YWHAG: variants seen among roughly 807,000 people sequenced by gnomAD.
The protein encoded by YWHAG is 14-3-3 protein gamma.
Under a neutral mutation model 23.3 loss-of-function variants are expected in YWHAG, and 1 was observed. That is an observed-to-expected ratio of 0.04 (90% CI 0.02 to 0.20). The LOEUF is 0.20. Ranked by LOEUF, YWHAG falls within the 10% of genes least tolerant of loss-of-function variation. The probability of loss-of-function intolerance (pLI) is 1.00; values close to 1 mark genes in which losing one functional copy is unlikely to be tolerated. For synonymous variants in YWHAG, 160 were observed against 144.0 expected (o/e 1.11, Z -0.80); for missense variants, 151 against 338.6 (o/e 0.45, Z 4.35).
At chr7:76,337,444 G>A (rs1033410501) in intron 1 of YWHAG, among the ~76,000 whole-genome samples, 6 of 152,122 alleles carry the variant, frequency 3.9e-5, no homozygotes, top group African/African-American at 1.2e-4. Flanking sequence ...ATAATGATGC[G>A]TATCCCGTGT....
intron 1 of YWHAG, among the ~76,000 whole-genome samples, chr7:76,340,746 G>T (rs1044183149): frequency 6.6e-6 from 1 of 152,170 alleles, no homozygotes; most frequent in Non-Finnish European, 1.5e-5. Context: ...TGCCAGTTCA[G>T]ATGGGAACCA....
intron 1 of YWHAG, among the ~76,000 whole-genome samples, chr7:76,353,418 G>T (rs2115653299): frequency 6.6e-6 from 1 of 152,056 alleles, no homozygotes; most frequent in South Asian, 2.1e-4. Context: ...TCACCATGTT[G>T]GTCAGGCTGG....
intron 1 of YWHAG, among the ~76,000 whole-genome samples, chr7:76,349,444 G>GACAC (rs34840797): frequency 2.8e-4 from 40 of 143,244 alleles, no homozygotes; most frequent in Middle Eastern, 3.6e-3. Context: ...CACACACACA[G>GACAC]ACACACACAC....
intron 1 of YWHAG, among the ~76,000 whole-genome samples, chr7:76,356,249 C>T (rs1403705513): frequency 6.6e-6 from 1 of 152,172 alleles, no homozygotes; most frequent in African/African-American, 2.4e-5. Context: ...TTTTGGAACA[C>T]CTACTACATT....
rs71085403 is a variant in YWHAG, at chr7:76,327,668, G to GCCCCCCC, written c.*1902_*1908dup. The GCCCCCCC allele has an allele frequency of 1.5e-4, 7 of 47,112 alleles. No individual in the cohort carries two copies. The highest frequency in any genetic ancestry group is 2.5e-4 in the African/African-American group (2 of 7,896). 2.9% of individuals were successfully genotyped at this position (47,112 alleles called of 1,614,324 possible). A position where few individuals can be genotyped will look rare whatever the true frequency, so the allele number is the denominator to read the frequency against. On this transcript the variant is annotated 3_prime_UTR_variant, in exon 2 of 2. Coordinates refer to ENST00000307630, the MANE Select transcript of YWHAG (RefSeq NM_012479.4). The stretch of plus-strand genomic sequence containing the variant: ...AATTAGGGAAAGCCCCACCTACCCT[G>GCCCCCCC]CCCCCCCCCCCCTCCCCCCCCAAAT...
chr7:76,350,452 A>G (rs1015769079), intron 1 of YWHAG, among the ~76,000 whole-genome samples: 2 of 152,092 alleles, frequency 1.3e-5, no homozygotes, highest in Non-Finnish European at 2.9e-5. Flanking sequence ...GATACCAGAT[A>G]CTCCTCCATG....
rs550266024 is a variant in YWHAG at position 76,337,659 on chromosome 7, C to T, written c.88-7426G>A. ...AAGTGATTCTCCTGCCTCAGCCTCC[C>T]GAGTAGCTGGGTCTACAGGCGCCCA... On this transcript the variant is annotated intron_variant, in intron 1 of 1. Transcript: ENST00000307630. Among the ~76,000 whole-genome samples, 4 of 151,930 alleles carry T rather than the reference C, an allele frequency of 2.6e-5. No individual in the cohort carries two copies. In the East Asian group the frequency reaches 5.8e-4, roughly 22 times the overall value.
chr7:76,347,049 A>C (rs964720181), intron 1 of YWHAG, among the ~76,000 whole-genome samples: 1 of 151,804 alleles, frequency 6.6e-6, no homozygotes, highest in African/African-American at 2.4e-5. Context: ...CCCTCCCTCA[A>C]GTTTCCCAAA....
chr7:76,357,641 A>C (rs1472214393), intron 1 of YWHAG, among the ~76,000 whole-genome samples: 1 of 152,144 alleles, frequency 6.6e-6, no homozygotes, highest in East Asian at 1.9e-4. Flanking sequence ...ATGAAGATGT[A>C]CTCGCTTAAA....
intron 1 of YWHAG, among the ~76,000 whole-genome samples, chr7:76,348,699 C>T (rs1188140568): frequency 2.0e-5 from 3 of 151,430 alleles, no homozygotes; most frequent in South Asian, 2.1e-4. Context: ...CCACCGCGCC[C>T]GGCCTAATTT....
chr7:76,353,346 A>G (rs895444677), intron 1 of YWHAG, among the ~76,000 whole-genome samples: 1 of 151,874 alleles, frequency 6.6e-6, no homozygotes, highest in Non-Finnish European at 1.5e-5. Flanking sequence ...CCAAGTAGCT[A>G]GGATTACAGG....
In YWHAG at chr7:76,329,514, C is replaced by CA; in HGVS notation, c.*62dup. Reference sequence around the variant, plus strand: ...TCCCTCCCCCACCCGACCCCCAACTCATGGGAAAAAAATAAAGACTGCAGT... The same window carrying CA: ...TCCCTCCCCCACCCGACCCCCAACTCAATGGGAAAAAAATAAAGACTGCAGT... On this transcript the variant is annotated 3_prime_UTR_variant, in exon 2 of 2. Transcript: ENST00000307630. The surrounding 1 kb of genome is among the most constrained non-coding windows in gnomAD (Gnocchi z 6.1). 2.0e-5 allele frequency: 21 copies of CA among 1,033,500 alleles called. No individual in the cohort carries two copies. Among genetic ancestry groups the CA allele is most frequent in the East Asian group, 3.6e-5 (1 of 28,008 alleles). The allele number at this position is 1,033,500 out of a possible 1,614,324, so 64.0% of individuals were successfully genotyped here.
Position 76,330,085 on chromosome 7 carries a change from ATCT to A in YWHAG, c.233_235del (p.Lys78del). On this transcript the variant is annotated inframe_deletion, in exon 2 of 2. Coordinates refer to ENST00000307630, the MANE Select transcript of YWHAG (RefSeq NM_012479.4). ...CTCCCGGTACGCACGGACCATCTCA[ATCT>A]TCTTCTCATTGCCGTCTGCAGATGT... 2 of 1,613,698 alleles carry A rather than the reference ATCT, an allele frequency of 1.2e-6. No individual in the cohort carries two copies. The highest frequency in any genetic ancestry group is 1.1e-5 in the South Asian group (1 of 91,042).
intron 1 of YWHAG, among the ~76,000 whole-genome samples, chr7:76,332,021 G>A (rs973961907): frequency 5.9e-5 from 9 of 152,098 alleles, no homozygotes; most frequent in Non-Finnish European, 1.0e-4. Context: ...AGTGCTACAC[G>A]CTCAAATATT....
intron 1 of YWHAG, among the ~76,000 whole-genome samples, chr7:76,355,003 G>C (rs1341629456): frequency 6.6e-6 from 1 of 152,108 alleles, no homozygotes; most frequent in Non-Finnish European, 1.5e-5. Context: ...GACAATTATC[G>C]CTGGCTGTGA....
chr7:76,358,812 C>T lies in YWHAG; in HGVS notation c.-4G>A. On this transcript the variant is annotated 5_prime_UTR_variant, in exon 1 of 2. Transcript: ENST00000307630. ...CCAGTTGCTCGCGGTCCACCATCTT[C>T]GCGGGGCTGGGTCTGGCCGGAGAAG... The T allele has an allele frequency of 6.3e-7, 1 of 1,591,502 alleles. No individual in the cohort carries two copies. Among genetic ancestry groups the T allele is most frequent in the Non-Finnish European group, 8.5e-7 (1 of 1,170,384 alleles).
In YWHAG at chr7:76,328,833, A is replaced by T. The variant is rs1300670837; in HGVS notation, c.*744T>A. The T allele has an allele frequency of 6.6e-6, 1 of 152,280 alleles. No homozygotes were observed. Among genetic ancestry groups the T allele is most frequent in the Non-Finnish European group, 1.5e-5 (1 of 68,008 alleles). The allele number at this position is 152,280 out of a possible 1,614,324, so 9.4% of individuals were successfully genotyped here. On this transcript the variant is annotated 3_prime_UTR_variant, in exon 2 of 2. Transcript: ENST00000307630. ...AAAATCCCACAGCCACCTGACCTGA[A>T]GTCGCTTTCATTCTCATTTAGCCTA...
chr7:76,333,825 A>C (rs1336649363), intron 1 of YWHAG, among the ~76,000 whole-genome samples: 1 of 152,248 alleles, frequency 6.6e-6, no homozygotes, highest in African/African-American at 2.4e-5. Context: ...CACAAAGATC[A>C]AGTTCTGGCC....
At chr7:76,331,696 C>A (rs1268942249) in intron 1 of YWHAG, among the ~76,000 whole-genome samples, 1 of 151,802 alleles carries the variant, frequency 6.6e-6, no homozygotes, top group African/African-American at 2.4e-5. Flanking sequence ...TACCAGGAGA[C>A]TTTTTTTTCT....
Sources: allele counts gnomAD v4.1 joint callset (sites outside exome capture counted in the v4.1 genomes callset), GRCh38; gene constraint gnomAD v4.1.1; non-coding constraint Gnocchi (gnomAD v3.1); transcripts MANE v1.5; gene names NCBI Gene and HGNC (gene_info 2026-07-23, HGNC 2026-07-21).